The following IST1 variants were observed in gnomAD, a reference collection of about 807,000 sequenced individuals.
The protein encoded by IST1 is IST1 homolog.
A neutral mutation model predicts 37.0 loss-of-function variants in IST1; 23 were observed. The observed-to-expected ratio is 0.62, with a 90% CI of 0.45 to 0.88. The LOEUF (loss-of-function observed/expected upper bound fraction) is 0.88, where lower values mean the gene tolerates loss of function less well. Among genes scored for constraint, IST1 ranks in the 40% least tolerant of loss-of-function variants. IST1 has a pLI of 0.00. For missense variants in IST1, 488 were observed against 445.4 expected, an observed-to-expected ratio of 1.10 and a Z score of -0.86; for synonymous variants, 180 against 161.7, an observed-to-expected ratio of 1.11 and a Z score of -0.86.
At chr16:71,909,095 C>CTTTTT (rs34086105) in intron 1 of IST1, among the ~76,000 whole-genome samples, 2,578 of 102,728 alleles carry the variant, frequency 0.025, 31 homozygotes, top group East Asian at 0.082. Flanking sequence ...TTTTGTTTGT[C>CTTTTT]TTTTTTTTTT....
chr16:71,911,510 G>A (rs558885568), intron 1 of IST1, among the ~76,000 whole-genome samples: 1 of 152,156 alleles, frequency 6.6e-6, no homozygotes, highest in African/African-American at 2.4e-5. Flanking sequence ...TCCAGCCTGG[G>A]CGACAAAGTG....
intron 1 of IST1, among the ~76,000 whole-genome samples, chr16:71,911,861 C>T (rs1332873487): frequency 6.6e-6 from 1 of 151,990 alleles, no homozygotes; most frequent in Non-Finnish European, 1.5e-5. Context: ...GAACTACAGG[C>T]TCGCACCACC....
In IST1 at chr16:71,915,387, C is replaced by G. The variant is rs529420728; in HGVS notation, c.-15-239C>G. ...ACCCTAGTCTGAGCTATTACCATCT[C>G]TTGTCTGGATGATAATAATAGCCTT... On this transcript the variant is annotated intron_variant, in intron 1 of 9. Transcript: ENST00000378799. Among the ~76,000 whole-genome samples the G allele has an allele frequency of 2.0e-5, 3 of 152,298 alleles. No individual in the cohort carries two copies. The East Asian group carries it at 5.8e-4, about 29-fold the overall frequency.
chr16:71,921,709 T>A (rs774037034), intron 6 of IST1: 62 of 384,120 alleles, frequency 1.6e-4, no homozygotes, highest in Non-Finnish European at 2.5e-4. Flanking sequence ...TTTGGTGAAC[T>A]TCAGGAATTG....
chr16:71,896,209 CCT>C (rs2036967779), intron 1 of IST1, among the ~76,000 whole-genome samples: 1 of 152,030 alleles, frequency 6.6e-6, no homozygotes, highest in Non-Finnish European at 1.5e-5. Flanking sequence ...GATCCTTGCG[CCT>C]CTCCTCTTTG....
chr16:71,927,823 A>T lies in IST1; in HGVS notation c.*10A>T, dbSNP rs1567477258. The T allele has an allele frequency of 6.2e-7, 1 of 1,606,592 alleles. No individual in the cohort carries two copies. The highest frequency in any genetic ancestry group is 1.1e-5 in the South Asian group (1 of 90,914). ...GAAAAAGAAAACATAGGTCTCTTAAACCAGGCAACTTTCACGTTTTGGGAG... is the reference window on the plus strand; with the variant it reads ...GAAAAAGAAAACATAGGTCTCTTAATCCAGGCAACTTTCACGTTTTGGGAG... On this transcript the variant is annotated 3_prime_UTR_variant, in exon 10 of 10. Coordinates refer to ENST00000378799, the MANE Select transcript of IST1 (RefSeq NM_001270975.2).
At chr16:71,895,934 G>GCTCCTCGGCGACAC (rs368021615) in intron 1 of IST1, among the ~76,000 whole-genome samples, 21 of 152,204 alleles carry the variant, frequency 1.4e-4, no homozygotes, top group African/African-American at 4.8e-4. Context: ...CTCGGCGAGG[G>GCTCCTCGGCGACAC]CTCCTCGGCG....
At chr16:71,921,135 C>A in intron 5 of IST1, 1 of 599,148 alleles carries the variant, frequency 1.7e-6, no homozygotes, top group South Asian at 2.0e-5. Context: ...CTTTTGCCAG[C>A]ATCTGGGTCA....
At chr16:71,924,436 C>T in intron 8 of IST1, 1 of 439,028 alleles carries the variant, frequency 2.3e-6, no homozygotes, top group Admixed American at 3.5e-5. Flanking sequence ...ACCCAAAATA[C>T]AAAAATTGGC....
intron 7 of IST1, 84 bp downstream of exon 7, chr16:71,922,764 G>A (rs1331510570): frequency 5.2e-6 from 6 of 1,152,418 alleles, no homozygotes; most frequent in South Asian, 4.1e-5. Context: ...AGGAATCATA[G>A]GTTGTCAGGA....
intron 8 of IST1, 64 bp downstream of exon 8, chr16:71,923,444 A>G (rs2037659676): frequency 1.9e-6 from 2 of 1,034,216 alleles, no homozygotes; most frequent in Non-Finnish European, 3.0e-6. Flanking sequence ...CGAGCAAAAT[A>G]ATGACCACAG....
intron 1 of IST1, among the ~76,000 whole-genome samples, chr16:71,906,070 C>G (rs1365451388): frequency 6.8e-6 from 1 of 147,574 alleles, no homozygotes; most frequent in Non-Finnish European, 1.5e-5. Flanking sequence ...GTGGTGCCAT[C>G]TCGGCTCACT....
chr16:71,898,392 ACT>A (rs2037025778), intron 1 of IST1, among the ~76,000 whole-genome samples: 1 of 147,626 alleles, frequency 6.8e-6, no homozygotes, highest in South Asian at 2.1e-4. Flanking sequence ...AAAAAAAGAA[ACT>A]CTCTTGGTGC....
rs1567474902 is a variant in IST1 at position 71,924,820 on chromosome 16, G to GAGTAGTATCAATCAGAAACCTGC, written c.901+6_901+28dup. 1.3e-6 allele frequency: 2 copies of GAGTAGTATCAATCAGAAACCTGC among 1,598,078 alleles called. No homozygotes were observed. Among genetic ancestry groups the GAGTAGTATCAATCAGAAACCTGC allele is most frequent in the African/African-American group, 2.7e-5 (2 of 74,584 alleles). On this transcript the variant is annotated splice_donor_region_variant and intron_variant, in intron 9 of 9. Transcript: ENST00000378799. ...TATCTCTTCTGCACAGATTGTTGGTGAGTAGTATCAATCAGAAACCTGCAG... is the reference window on the plus strand; with the variant it reads ...TATCTCTTCTGCACAGATTGTTGGTGAGTAGTATCAATCAGAAACCTGCAGTAGTATCAATCAGAAACCTGCAG...
In IST1 at chr16:71,924,796, A is replaced by C. The variant is rs372177526; in HGVS notation, c.880A>C (p.Ile294Leu). 1.3e-4 allele frequency: 213 copies of C among 1,610,080 alleles called. No individual in the cohort carries two copies. The highest frequency in any genetic ancestry group is 1.8e-4 in the Non-Finnish European group (207 of 1,176,400). ...AGATGACATTAATGCTGATAAGAAT[A>C]TCTCTTCTGCACAGATTGTTGGTGA... ...SVDDINADKN[I>L]SSAQIVGPGP... The change falls in exon 9 of 10, where the codon ATC (isoleucine) becomes CTC (leucine). Residue 294 changes from isoleucine (I) to leucine (L), a missense_variant. By Grantham distance (5) the Ile-to-Leu change is conservative (BLOSUM62 2). Coordinates refer to ENST00000378799, the MANE Select transcript of IST1 (RefSeq NM_001270975.2).
At chr16:71,922,792 C>A in intron 7 of IST1, 112 bp downstream of exon 7, 1 of 844,922 alleles carries the variant, frequency 1.2e-6, no homozygotes, top group Non-Finnish European at 1.9e-6. Flanking sequence ...GCAGTAAGAA[C>A]ATTTGGTATT....
At position 71,908,732 on chromosome 16, in the gene IST1, A is replaced by T. The variant is rs183541203; in HGVS notation, c.-15-6894A>T. Among the ~76,000 whole-genome samples the T allele has an allele frequency of 1.4e-4, 21 of 152,256 alleles. 1 individual carries two copies. The highest frequency in any genetic ancestry group is 4.8e-4 in the African/African-American group (20 of 41,548). ...CCCCTTTCTAGTTCCTCAAGCCAGG[A>T]CTAGAGAGCTCTTGATGCTCTTTCT... is the stretch of plus-strand genomic sequence containing the variant. On this transcript the variant is annotated intron_variant, in intron 1 of 9. Coordinates refer to ENST00000378799, the MANE Select transcript of IST1 (RefSeq NM_001270975.2).
chr16:71,924,221 T>A, intron 8 of IST1: 1 of 454,112 alleles, frequency 2.2e-6, no homozygotes, highest in Non-Finnish European at 4.4e-6. Context: ...TCTTAAGATA[T>A]ATTCAAGAAT....
At chr16:71,921,212 A>G (rs1597253086) in intron 5 of IST1, 131 bp from the exon 6 acceptor site, 1 of 640,342 alleles carries the variant, frequency 1.6e-6, no homozygotes, top group South Asian at 1.9e-5. Flanking sequence ...GAAAAAAATC[A>G]TTTAACTGCT....
Sources: allele counts gnomAD v4.1 joint callset (sites outside exome capture counted in the v4.1 genomes callset), GRCh38; gene constraint gnomAD v4.1.1; transcripts MANE v1.5; gene names NCBI Gene and HGNC (gene_info 2026-07-23, HGNC 2026-07-21).